Variants in KIF26B observed in about 807,000 individuals in gnomAD.
KIF26B encodes the protein kinesin family member 26B, also known as kinesin-like protein KIF26B.
KIF26B carries 63 observed loss-of-function variants against 151.2 expected under a neutral mutation model. The ratio of observed to expected loss-of-function variants is 0.42; its 90% CI spans 0.34 to 0.51. KIF26B has a LOEUF of 0.51. Among genes scored for constraint, KIF26B ranks in the 20% least tolerant of loss-of-function variants. KIF26B has a pLI of 0.07. For synonymous variants in KIF26B, 1,357 were observed against 1,262.1 expected (o/e 1.08, Z -1.59); for missense variants, 2,813 against 2,913.6 (o/e 0.97, Z 0.79).
Position 245,454,316 on chromosome 1 carries a change from A to G in KIF26B, c.1166+34571A>G, listed in dbSNP as rs187740730. On this transcript the variant is annotated intron_variant, in intron 4 of 14. Coordinates refer to ENST00000407071, the MANE Select transcript of KIF26B (RefSeq NM_018012.4). ...AACATTGCCTTCTTACTTTTCTTCT[A>G]AGTAGTTCTAGTTTCTATGTCTGAG... Among the ~76,000 whole-genome samples the G allele has an allele frequency of 4.1e-4, 62 of 152,216 alleles. 1 individual carries two copies. The highest frequency in any genetic ancestry group is 6.8e-4 in the Non-Finnish European group (46 of 68,020).
At chr1:245,439,790 A>AT (rs1414941854) in intron 4 of KIF26B, among the ~76,000 whole-genome samples, 1 of 152,228 alleles carries the variant, frequency 6.6e-6, no homozygotes, top group East Asian at 1.9e-4. Context: ...TTGCCAGAAG[A>AT]TTCAGCCTAA....
intron 5 of KIF26B, among the ~76,000 whole-genome samples, chr1:245,590,378 A>G (rs2043275547): frequency 6.6e-6 from 1 of 152,188 alleles, no homozygotes; most frequent in Non-Finnish European, 1.5e-5. Flanking sequence ...ATCCAAACTG[A>G]ACACATCTAA....
At chr1:245,224,982 G>C (rs1669846035) in intron 2 of KIF26B, among the ~76,000 whole-genome samples, 1 of 152,192 alleles carries the variant, frequency 6.6e-6, no homozygotes, top group African/African-American at 2.4e-5. Context: ...CTTCATATCT[G>C]TGTGAGGCTG....
chr1:245,423,199 G>A (rs1658536690), intron 4 of KIF26B, among the ~76,000 whole-genome samples: 1 of 152,092 alleles, frequency 6.6e-6, no homozygotes, highest in South Asian at 2.1e-4. Context: ...TAAATTTGTG[G>A]CCAATGTGGC....
Position 245,703,634 on chromosome 1 carries a change from A to C in KIF26B, c.*1028A>C, listed in dbSNP as rs1268643596. On this transcript the variant is annotated 3_prime_UTR_variant, in exon 15 of 15. Coordinates refer to ENST00000407071, the MANE Select transcript of KIF26B (RefSeq NM_018012.4). ...CAAAAAGTCTTGAACGAAAGCTGGA[A>C]CCAATTCACCAGAGCCATATTTCTT... The C allele has an allele frequency of 6.6e-6, 1 of 152,190 alleles. No individual in the cohort carries two copies. Among genetic ancestry groups the C allele is most frequent in the Non-Finnish European group, 1.5e-5 (1 of 68,026 alleles). 9.4% of individuals were successfully genotyped at this position (152,190 alleles called of 1,614,324 possible).
rs1558269594 is a variant in KIF26B at position 245,685,488 on chromosome 1, C to T, written c.2505C>T (p.Thr835=). ...RRPTQLRPFH[T]RATVDPDFPI... is the part of the protein sequence containing the mutation. ...CCACCCAGCTGAGACCCTTCCACACCAGGGCCACGGTGGACCCTGACTTCC... is the reference window on the plus strand; with the variant it reads ...CCACCCAGCTGAGACCCTTCCACACTAGGGCCACGGTGGACCCTGACTTCC... Residue 835 remains threonine, a synonymous_variant, in exon 12 of 15, where the codon ACC becomes ACT. Transcript: ENST00000407071. The T allele has an allele frequency of 6.2e-7, 1 of 1,613,722 alleles. No individual in the cohort carries two copies. Among genetic ancestry groups the T allele is most frequent in the Non-Finnish European group, 8.5e-7 (1 of 1,179,774 alleles).
intron 1 of KIF26B, 94 bp from the exon 2 acceptor site, chr1:245,156,188 C>T (rs1004602416): frequency 7.3e-5 from 107 of 1,470,734 alleles, no homozygotes; most frequent in Non-Finnish European, 9.1e-5. Context: ...GTGGGCGGTT[C>T]GAGCGGGTAC....
At chr1:245,665,721 TA>T (rs1171102353) in intron 10 of KIF26B, among the ~76,000 whole-genome samples, 1 of 6,342 alleles carries the variant, frequency 1.6e-4, no homozygotes, top group Non-Finnish European at 2.5e-4. Context: ...TTTTATTTTT[TA>T]TTTTTTTTGA....
intron 4 of KIF26B, among the ~76,000 whole-genome samples, chr1:245,472,536 T>A (rs937079309): frequency 6.6e-6 from 1 of 152,222 alleles, no homozygotes; most frequent in East Asian, 1.9e-4. Flanking sequence ...GCATTCTCTT[T>A]GAGCATCATG....
At position 245,593,992 on chromosome 1, in the gene KIF26B, A is replaced by G. The variant is rs568892140; in HGVS notation, c.1351-8585A>G. ...TTTCTTTTGAGAAGTGTCTGTTCAT[A>G]TCCTTCTCCCGCTTTTTGATGGGTT... On this transcript the variant is annotated intron_variant, in intron 5 of 14. Coordinates refer to ENST00000407071, the MANE Select transcript of KIF26B (RefSeq NM_018012.4). 3.9e-5 allele frequency among the ~76,000 whole-genome samples: 6 copies of G among 152,176 alleles called. No individual in the cohort carries two copies. In the East Asian group the frequency reaches 1.2e-3, roughly 29 times the overall value.
intron 2 of KIF26B, among the ~76,000 whole-genome samples, chr1:245,232,555 T>G (rs1213606693): frequency 1.3e-5 from 2 of 151,804 alleles, no homozygotes; most frequent in Non-Finnish European, 2.9e-5. Flanking sequence ...TCATTTGTTT[T>G]TTTTTTTTTT....
At chr1:245,311,878 C>G (rs565067881) in intron 2 of KIF26B, among the ~76,000 whole-genome samples, 4 of 152,100 alleles carry the variant, frequency 2.6e-5, no homozygotes, top group African/African-American at 9.7e-5. Context: ...TGCAGTGAGC[C>G]GAGATCATGC....
intron 2 of KIF26B, among the ~76,000 whole-genome samples, chr1:245,344,072 CCTGCCTCG>C (rs1411610946): frequency 5.5e-5 from 8 of 145,712 alleles, no homozygotes; most frequent in Non-Finnish European, 1.2e-4. Context: ...CTCCTTCCTC[CCTGCCTCG>C]CTGCCTCCCT....
At chr1:245,599,700 C>G (rs1263579287) in intron 5 of KIF26B, among the ~76,000 whole-genome samples, 1 of 152,190 alleles carries the variant, frequency 6.6e-6, no homozygotes, top group African/African-American at 2.4e-5. Context: ...TTACAGAAAG[C>G]CTGAAGGTCC....
chr1:245,612,088 G>A (rs2043530931), intron 9 of KIF26B, 112 bp downstream of exon 9: 5 of 749,834 alleles, frequency 6.7e-6, no homozygotes, highest in Non-Finnish European at 1.1e-5. Context: ...GTGTGTGTGT[G>A]TGTGTGTGTG....
chr1:245,588,766 G>C (rs1453483919), intron 5 of KIF26B, among the ~76,000 whole-genome samples: 1 of 152,158 alleles, frequency 6.6e-6, no homozygotes, highest in Admixed American at 6.5e-5. Context: ...GCTGGCTCAG[G>C]GCATTGTACA....
At chr1:245,323,221 G>A (rs112803603) in intron 2 of KIF26B, among the ~76,000 whole-genome samples, 272 of 149,530 alleles carry the variant, frequency 1.8e-3, no homozygotes, top group Middle Eastern at 0.014. Flanking sequence ...TGGTTGTGAC[G>A]TATGTATTTT....
chr1:245,173,465 A>G (rs1257187996), intron 2 of KIF26B, among the ~76,000 whole-genome samples: 1 of 152,142 alleles, frequency 6.6e-6, no homozygotes, highest in Non-Finnish European at 1.5e-5. Flanking sequence ...ACGGCTCATG[A>G]GGGTAATCAT....
intron 4 of KIF26B, among the ~76,000 whole-genome samples, chr1:245,480,915 C>A (rs1186875384): frequency 6.6e-6 from 1 of 151,612 alleles, no homozygotes; most frequent in Admixed American, 6.6e-5. Context: ...AAGGAGTCTG[C>A]AAGATCCAGA....
Sources: gnomAD v4.1 joint callset for allele counts (sites outside exome capture counted in the v4.1 genomes callset) on GRCh38, gnomAD v4.1.1 for gene constraint, MANE v1.5 for transcripts, NCBI Gene and HGNC (gene_info 2026-07-23, HGNC 2026-07-21) for gene names.